The following ROCK2 variants were observed in gnomAD, a reference collection of about 807,000 sequenced individuals.
The protein encoded by ROCK2 is Rho associated coiled-coil containing protein kinase 2, also known as rho-associated protein kinase 2.
A neutral mutation model predicts 195.1 loss-of-function variants in ROCK2; 61 were observed. The observed-to-expected ratio is 0.31, with a 90% CI of 0.25 to 0.39. ROCK2 has a LOEUF of 0.39. Ranked by LOEUF, ROCK2 falls within the 10% of genes least tolerant of loss-of-function variation. The pLI is 1.00. For missense variants in ROCK2, 1,109 were observed against 1,637.4 expected, an observed-to-expected ratio of 0.68 and a Z score of 5.57; for synonymous variants, 504 against 545.5, an observed-to-expected ratio of 0.92 and a Z score of 1.06.
intron 6 of ROCK2, among the ~76,000 whole-genome samples, chr2:11,226,457 T>C (rs1176158249): frequency 1.3e-5 from 2 of 152,128 alleles, no homozygotes; most frequent in African/African-American, 4.8e-5. Flanking sequence ...TTCACGAGAA[T>C]TACAAACAAT....
chr2:11,317,613 T>TATATATATATACATATA (rs1553317465), intron 1 of ROCK2, among the ~76,000 whole-genome samples: 2 of 20,318 alleles, frequency 9.8e-5, no homozygotes, highest in African/African-American at 3.9e-4. Context: ...TATATATATA[T>TATATATATATACATATA]TTTTTTTTTT....
chr2:11,329,436 T>C (rs978861940), intron 1 of ROCK2, among the ~76,000 whole-genome samples: 15 of 149,790 alleles, frequency 1.0e-4, no homozygotes, highest in African/African-American at 3.2e-4. Context: ...AAAACTTCCC[T>C]ATACTAAAAG....
Position 11,218,957 on chromosome 2 carries a change from T to C in ROCK2, c.1320+9A>G. 10 of 1,406,594 alleles carry C rather than the reference T, an allele frequency of 7.1e-6. No homozygotes were observed. Among genetic ancestry groups the C allele is most frequent in the Non-Finnish European group, 9.8e-6 (10 of 1,017,780 alleles). 87.1% of individuals were successfully genotyped at this position (1,406,594 alleles called of 1,614,324 possible). A position where few individuals can be genotyped will look rare whatever the true frequency, so the allele number is the denominator to read the frequency against. ...TAAAATAACTACAGCAGTAAAAATG[T>C]ATACGTACTTCATTTTTCCTTGATT... On this transcript the variant is annotated intron_variant, in intron 10 of 32. Coordinates refer to ENST00000315872, the MANE Select transcript of ROCK2 (RefSeq NM_004850.5).
At chr2:11,264,171 C>T (rs1191421546) in intron 3 of ROCK2, among the ~76,000 whole-genome samples, 2 of 152,058 alleles carry the variant, frequency 1.3e-5, no homozygotes, top group Non-Finnish European at 2.9e-5. Context: ...AAGCAGAGTC[C>T]TGACACTGTC....
chr2:11,215,757 G>T, intron 13 of ROCK2, 112 bp from the exon 14 acceptor site: 1 of 844,822 alleles, frequency 1.2e-6, no homozygotes, highest in Non-Finnish European at 1.8e-6. Flanking sequence ...GGCTTTCACT[G>T]CTTTTTTGTT....
At chr2:11,278,675 C>A (rs997878826) in intron 3 of ROCK2, among the ~76,000 whole-genome samples, 1 of 152,108 alleles carries the variant, frequency 6.6e-6, no homozygotes, top group Non-Finnish European at 1.5e-5. Context: ...TGCAATGGTG[C>A]GATCTTGGCT....
intron 1 of ROCK2, among the ~76,000 whole-genome samples, chr2:11,333,823 G>A (rs1302903485): frequency 6.6e-6 from 1 of 152,014 alleles, no homozygotes; most frequent in Admixed American, 6.6e-5. Context: ...GCATAACTAG[G>A]TACATAAAAA....
intron 4 of ROCK2, among the ~76,000 whole-genome samples, chr2:11,240,837 T>C (rs1665399308): frequency 6.6e-6 from 1 of 152,246 alleles, no homozygotes; most frequent in Non-Finnish European, 1.5e-5. Context: ...CTCAATAAAG[T>C]TGTATAGTTA....
At chr2:11,271,010 T>C (rs1666608190) in intron 3 of ROCK2, among the ~76,000 whole-genome samples, 1 of 152,196 alleles carries the variant, frequency 6.6e-6, no homozygotes, top group Admixed American at 6.5e-5. Flanking sequence ...TTCTACAATC[T>C]TGTGGGCAGT....
chr2:11,274,459 AATG>A (rs1261432144), intron 3 of ROCK2, among the ~76,000 whole-genome samples: 1 of 152,208 alleles, frequency 6.6e-6, no homozygotes, highest in Non-Finnish European at 1.5e-5. Context: ...CGAAAATTAA[AATG>A]ATTAAGAGAG....
chr2:11,238,209 A>AGAGTGTGTGTGTGTGTGTGTGTGTGTGT (rs1553303927), intron 4 of ROCK2, among the ~76,000 whole-genome samples: 2 of 135,266 alleles, frequency 1.5e-5, no homozygotes, highest in African/African-American at 5.9e-5. Context: ...ATTGAGAAAG[A>AGAGTGTGTGTGTGTGTGTGTGTGTGTGT]GTGTGTGTGT....
intron 20 of ROCK2, among the ~76,000 whole-genome samples, chr2:11,205,872 G>A (rs769618996): frequency 6.6e-6 from 1 of 152,100 alleles, no homozygotes; most frequent in Admixed American, 6.6e-5. Context: ...ACTTTGGGAG[G>A]CAAAGCCAGG....
At chr2:11,187,137 T>C in intron 32 of ROCK2, among the ~76,000 whole-genome samples, 1 of 152,222 alleles carries the variant, frequency 6.6e-6, no homozygotes, top group East Asian at 1.9e-4. Flanking sequence ...TGGTTTTATG[T>C]TATAGTTTTA....
chr2:11,220,847 A>G (rs1219884514), intron 9 of ROCK2, among the ~76,000 whole-genome samples: 1 of 152,144 alleles, frequency 6.6e-6, no homozygotes, highest in African/African-American at 2.4e-5. Context: ...CTTCTGAACC[A>G]TCCCAGATTC....
At chr2:11,251,859 G>A (rs1436934859) in intron 3 of ROCK2, among the ~76,000 whole-genome samples, 1 of 152,132 alleles carries the variant, frequency 6.6e-6, no homozygotes, top group South Asian at 2.1e-4. Flanking sequence ...CAAAGGATAT[G>A]AACAGACACC....
chr2:11,184,537 G>T (rs536368340), intron 32 of ROCK2: 3 of 710,768 alleles, frequency 4.2e-6, no homozygotes, highest in Non-Finnish European at 5.2e-6. Context: ...GCAACTTTTC[G>T]AAAACTACTT....
chr2:11,262,522 C>A (rs1258821179), intron 3 of ROCK2, among the ~76,000 whole-genome samples: 1 of 152,120 alleles, frequency 6.6e-6, no homozygotes, highest in Non-Finnish European at 1.5e-5. Context: ...ATCATGAGGG[C>A]AGGTCTTTCC....
At chr2:11,204,526 G>T (rs557727444) in intron 20 of ROCK2, among the ~76,000 whole-genome samples, 44 of 152,108 alleles carry the variant, frequency 2.9e-4, no homozygotes, top group South Asian at 8.3e-4. Flanking sequence ...CCTCCTCTTG[G>T]TTTTTAGTTC....
intron 1 of ROCK2, among the ~76,000 whole-genome samples, chr2:11,335,778 A>G (rs2148273410): frequency 6.6e-6 from 1 of 152,340 alleles, no homozygotes; most frequent in South Asian, 2.1e-4. Flanking sequence ...ACTTTCCATC[A>G]GAATTCCAAA....
Sources: allele counts gnomAD v4.1 joint callset (sites outside exome capture counted in the v4.1 genomes callset), GRCh38; gene constraint gnomAD v4.1.1; transcripts MANE v1.5; gene names NCBI Gene and HGNC (gene_info 2026-07-23, HGNC 2026-07-21).